The following UGT1A3 variants were observed in gnomAD, a reference collection of about 807,000 sequenced individuals.
UGT1A3 encodes the protein UDP glucuronosyltransferase family 1 member A3, also known as UDP-glucuronosyltransferase 1A3.
UGT1A3 carries 31 observed loss-of-function variants against 41.0 expected under a neutral mutation model. The observed-to-expected ratio is 0.76, with a 90% CI of 0.57 to 1.02. The LOEUF is 1.02. UGT1A3 is among the 50% of genes least tolerant of loss of function. The pLI is 0.00. For missense variants in UGT1A3, 737 were observed against 671.0 expected, an observed-to-expected ratio of 1.10 and a Z score of -1.09; for synonymous variants, 262 against 257.6, an observed-to-expected ratio of 1.02 and a Z score of -0.17.
chr2:233,751,941 T>C (rs1479720548), intron 1 of UGT1A3, among the ~76,000 whole-genome samples: 1 of 152,170 alleles, frequency 6.6e-6, no homozygotes, highest in South Asian at 2.1e-4. Context: ...GAAGTTATAC[T>C]GAAAGGGTTT....
At chr2:233,754,798 C>G (rs781516183) in intron 1 of UGT1A3, 1 of 1,247,746 alleles carries the variant, frequency 8.0e-7, no homozygotes, top group East Asian at 5.0e-5. Context: ...AATCCTGTAT[C>G]AAAAGAAGAA....
intron 1 of UGT1A3, among the ~76,000 whole-genome samples, chr2:233,736,818 G>A (rs761920295): frequency 6.6e-6 from 1 of 152,210 alleles, no homozygotes; most frequent in Non-Finnish European, 1.5e-5. Flanking sequence ...GTCCACTCCA[G>A]ATGCTCTTTG....
At chr2:233,747,810 A>G (rs1693783178) in intron 1 of UGT1A3, 1 of 1,613,368 alleles carries the variant, frequency 6.2e-7, no homozygotes, top group South Asian at 1.1e-5. Flanking sequence ...GTTACTAACG[A>G]CCAATTCAGA....
intron 1 of UGT1A3, among the ~76,000 whole-genome samples, chr2:233,759,662 G>C (rs1697226515): frequency 1.6e-5 from 2 of 126,634 alleles, no homozygotes; most frequent in South Asian, 2.5e-4. Context: ...CTAAGTTCCT[G>C]CTCATGTGTT....
rs988153178 is a variant in UGT1A3, at chr2:233,772,888, GTGGTCCCACGGC to G, written c.*332_*343del. ...CTGTTTGGGAGTGCGGGATTCAAAG[GTGGTCCCACGGC>G]TGCCCCTACTGCAAATGGCAGTTTT... On this transcript the variant is annotated 3_prime_UTR_variant, in exon 5 of 5. Coordinates refer to ENST00000482026, the MANE Select transcript of UGT1A3 (RefSeq NM_019093.4). The G allele has an allele frequency of 1.9e-6, 1 of 534,950 alleles. No individual in the cohort carries two copies. The highest frequency in any genetic ancestry group is 1.9e-5 in the African/African-American group (1 of 51,616). 33.1% of individuals were successfully genotyped at this position (534,950 alleles called of 1,614,324 possible).
At chr2:233,755,500 A>G (rs1249263278) in intron 1 of UGT1A3, 1 of 181,898 alleles carries the variant, frequency 5.5e-6, no homozygotes, top group Non-Finnish European at 1.2e-5. Flanking sequence ...ATGCTCCAAG[A>G]CCAGGCCCCG....
At chr2:233,738,538 T>C (rs1559382457) in intron 1 of UGT1A3, among the ~76,000 whole-genome samples, 1 of 152,194 alleles carries the variant, frequency 6.6e-6, no homozygotes, top group Non-Finnish European at 1.5e-5. Context: ...AAGTCCAGGC[T>C]GAGTCTCAGA....
chr2:233,751,259 G>T (rs1355908720), intron 1 of UGT1A3, among the ~76,000 whole-genome samples: 1 of 151,926 alleles, frequency 6.6e-6, no homozygotes, highest in Non-Finnish European at 1.5e-5. Context: ...GGGGCCTGTA[G>T]CCCCCTTTTT....
chr2:233,737,721 C>CT (rs1222184655), intron 1 of UGT1A3, among the ~76,000 whole-genome samples: 6 of 151,320 alleles, frequency 4.0e-5, no homozygotes, highest in Non-Finnish European at 7.4e-5. Context: ...CCAACACCTC[C>CT]TTTTTTTTTC....
intron 1 of UGT1A3, among the ~76,000 whole-genome samples, chr2:233,746,241 G>A (rs1177862804): frequency 6.6e-6 from 1 of 151,746 alleles, no homozygotes; most frequent in African/African-American, 2.4e-5. Context: ...ACTGCTAAAA[G>A]ATACAAGGCA....
At position 233,768,432 on chromosome 2, in the gene UGT1A3, G is replaced by C; in HGVS notation, c.1300G>C (p.Asp434His). 6.2e-7 allele frequency: 1 copy of C among 1,613,814 alleles called. No individual in the cohort carries two copies. Among genetic ancestry groups the C allele is most frequent in the Non-Finnish European group, 8.5e-7 (1 of 1,179,896 alleles). The change falls in exon 4 of 5, where the codon GAC becomes CAC. Residue 434 changes from aspartate to histidine, a missense_variant. Physicochemically the swap from Asp to His is moderately conservative, Grantham distance 81. Coordinates refer to ENST00000482026, the MANE Select transcript of UGT1A3 (RefSeq NM_019093.4). ...AAATGCTCTAAAAGCAGTCATCAAT[G>C]ACAAAAGGTAAGAAAGAAGATACAG... is the stretch of plus-strand genomic sequence containing the variant. The part of the protein sequence containing the change: ...LENALKAVIN[D>H]KSYKENIMRL...
At chr2:233,732,592 G>T (rs1029582982) in intron 1 of UGT1A3, among the ~76,000 whole-genome samples, 1 of 152,094 alleles carries the variant, frequency 6.6e-6, no homozygotes, top group African/African-American at 2.4e-5. Flanking sequence ...TTTTTGTCAG[G>T]TTTGTCAAAG....
chr2:233,744,098 G>A, intron 1 of UGT1A3: 1 of 409,610 alleles, frequency 2.4e-6, no homozygotes, highest in South Asian at 2.0e-5. Flanking sequence ...AGTGCTTCTG[G>A]GACTGGCCCT....
intron 1 of UGT1A3, among the ~76,000 whole-genome samples, chr2:233,750,311 G>A (rs1694421303): frequency 6.6e-6 from 1 of 151,966 alleles, no homozygotes; most frequent in Admixed American, 6.5e-5. Flanking sequence ...CTAGAGATCT[G>A]TGGAACTTTG....
intron 1 of UGT1A3, among the ~76,000 whole-genome samples, chr2:233,732,755 G>GTTT (rs956485327): frequency 1.7e-5 from 2 of 120,222 alleles, no homozygotes; most frequent in African/African-American, 3.0e-5. Flanking sequence ...CACCAGCTTT[G>GTTT]TTTTTTTTTT....
At position 233,773,098 on chromosome 2, in the gene UGT1A3, G is replaced by T; in HGVS notation, c.*539G>T. 6.4e-6 allele frequency: 1 copy of T among 156,852 alleles called. No homozygotes were observed. The highest frequency in any genetic ancestry group is 6.1e-5 in the Admixed American group (1 of 16,412). 9.7% of individuals were successfully genotyped at this position (156,852 alleles called of 1,614,324 possible). ...AATGGCTTGGAGTGCACTGAGAACA[G>T]CATATGATTTCTTGCTTTGGGGAAA... On this transcript the variant is annotated 3_prime_UTR_variant, in exon 5 of 5. Coordinates refer to ENST00000482026, the MANE Select transcript of UGT1A3 (RefSeq NM_019093.4).
chr2:233,763,832 A>C (rs1698407491), intron 1 of UGT1A3, among the ~76,000 whole-genome samples: 2 of 152,232 alleles, frequency 1.3e-5, no homozygotes, highest in South Asian at 4.1e-4. Context: ...CTCCCCTGCC[A>C]GGGTAAGATA....
intron 1 of UGT1A3, among the ~76,000 whole-genome samples, chr2:233,735,627 A>T (rs1296033984): frequency 1.3e-5 from 2 of 152,164 alleles, no homozygotes; most frequent in Non-Finnish European, 2.9e-5. Flanking sequence ...ACAATTTGGC[A>T]TGTTTTTGCA....
intron 4 of UGT1A3, chr2:233,771,117 G>A (rs1700240855): frequency 6.6e-6 from 1 of 152,076 alleles, no homozygotes; most frequent in Admixed American, 6.6e-5. Context: ...AAGCACAAGG[G>A]ATCCGACCCC....
Sources: gnomAD v4.1 joint callset for allele counts (sites outside exome capture counted in the v4.1 genomes callset) on GRCh38, gnomAD v4.1.1 for gene constraint, MANE v1.5 for transcripts, NCBI Gene and HGNC (gene_info 2026-07-23, HGNC 2026-07-21) for gene names.